DNAH11: variants seen among roughly 807,000 people sequenced by gnomAD.
DNAH11 encodes dynein axonemal heavy chain 11, also known as axonemal beta dynein heavy chain 11.
DNAH11 carries 442 observed loss-of-function variants against 526.0 expected under a neutral mutation model. The ratio of observed to expected loss-of-function variants is 0.84; its 90% CI spans 0.78 to 0.91. The LOEUF (loss-of-function observed/expected upper bound fraction) is 0.91, where lower values mean the gene tolerates loss of function less well. Among genes scored for constraint, DNAH11 ranks in the 40% least tolerant of loss-of-function variants. DNAH11 has a pLI of 0.00. For synonymous variants in DNAH11, 2,461 were observed against 1,935.9 expected (o/e 1.27, Z -7.12); for missense variants, 6,989 against 5,448.7 (o/e 1.28, Z -8.90).
intron 25 of DNAH11, among the ~76,000 whole-genome samples, chr7:21,634,865 T>G (rs1786781466): frequency 6.6e-6 from 1 of 152,182 alleles, no homozygotes. Flanking sequence ...TTAAAACATT[T>G]AAGTTGGGCA....
At chr7:21,581,436 T>A (rs973192868) in intron 8 of DNAH11, among the ~76,000 whole-genome samples, 11 of 152,216 alleles carry the variant, frequency 7.2e-5, no homozygotes, top group Admixed American at 2.0e-4. Flanking sequence ...CCTGAAGAAA[T>A]AGTGTTTCCG....
At chr7:21,778,077 C>A (rs1787755895) in intron 56 of DNAH11, among the ~76,000 whole-genome samples, 1 of 152,154 alleles carries the variant, frequency 6.6e-6, no homozygotes. Flanking sequence ...TTTCTGAGAA[C>A]TGAGTCATGT....
chr7:21,603,838 G>C (rs745601763), intron 18 of DNAH11, among the ~76,000 whole-genome samples: 13 of 152,180 alleles, frequency 8.5e-5, no homozygotes, highest in African/African-American at 2.9e-4. Flanking sequence ...ATAAGTAATT[G>C]ATGAGGGAAA....
At chr7:21,637,576 T>C in intron 26 of DNAH11, 35 bp from the exon 27 acceptor site, 1 of 1,295,252 alleles carries the variant, frequency 7.7e-7, no homozygotes, top group Non-Finnish European at 1.1e-6. Context: ...AAGATTGTTC[T>C]AATATCCACG....
At position 21,874,577 on chromosome 7, in the gene DNAH11, C is replaced by T. The variant is rs916870728; in HGVS notation, c.12195+1076C>T. ...TCTCGAACTCCTGACCTCAGGTGAT[C>T]TGTTCACCTTGGCCTCCCAATTCCA... On this transcript the variant is annotated intron_variant, in intron 74 of 81. Coordinates refer to ENST00000409508, the MANE Select transcript of DNAH11 (RefSeq NM_001277115.2). Among the ~76,000 whole-genome samples, 13 of 152,212 alleles carry T rather than the reference C, an allele frequency of 8.5e-5. No homozygotes were observed. The South Asian group carries it at 2.7e-3, about 32-fold the overall frequency.
chr7:21,629,214 C>A (rs2128457387), intron 25 of DNAH11, among the ~76,000 whole-genome samples: 1 of 152,158 alleles, frequency 6.6e-6, no homozygotes, highest in East Asian at 1.9e-4. Context: ...TGTGACATTT[C>A]TAAGGTTCCT....
chr7:21,802,756 G>C (rs35922142), intron 62 of DNAH11, among the ~76,000 whole-genome samples: 57,292 of 151,400 alleles, frequency 0.38, 11,572 homozygotes, highest in East Asian at 0.81. Flanking sequence ...TACACAGGCA[G>C]AATGTGCCTG....
At chr7:21,560,916 A>C (rs575692155) in intron 4 of DNAH11, among the ~76,000 whole-genome samples, 155 bp from the exon 5 acceptor site, 2 of 152,254 alleles carry the variant, frequency 1.3e-5, no homozygotes, top group South Asian at 4.1e-4. Context: ...TGTATTTTTA[A>C]AATTATTTTC....
intron 25 of DNAH11, 136 bp downstream of exon 25, chr7:21,620,214 C>G: frequency 6.5e-6 from 5 of 771,776 alleles, no homozygotes; most frequent in Non-Finnish European, 9.6e-6. Context: ...ACCGTCATCT[C>G]ATACACTTAA....
intron 40 of DNAH11, among the ~76,000 whole-genome samples, chr7:21,708,904 C>T (rs1784365814): frequency 6.6e-6 from 1 of 152,134 alleles, no homozygotes; most frequent in Non-Finnish European, 1.5e-5. Context: ...AATCTCATAC[C>T]AGTCAGAAAG....
rs759202030 is a variant in DNAH11 at position 21,707,677 on chromosome 7, G to A, written c.6547-22G>A. Reference sequence around the variant, plus strand: ...GCTTATGTTAGTATTAATTTTTTTGGCTCTTTCCTCCTTCCCCTCAGATTT... The same window carrying A: ...GCTTATGTTAGTATTAATTTTTTTGACTCTTTCCTCCTTCCCCTCAGATTT... On this transcript the variant is annotated intron_variant, in intron 39 of 81. Transcript: ENST00000409508. 3 of 1,592,422 alleles carry A rather than the reference G, an allele frequency of 1.9e-6. 1 individual carries two copies. The highest frequency in any genetic ancestry group is 2.3e-5 in the South Asian group (2 of 86,120).
intron 75 of DNAH11, 32 bp downstream of exon 75, chr7:21,880,925 A>G (rs1253660251): frequency 3.9e-6 from 6 of 1,549,412 alleles, no homozygotes; most frequent in South Asian, 1.2e-5. Flanking sequence ...ACCTCTTCCA[A>G]GGAGTTTACA....
intron 65 of DNAH11, among the ~76,000 whole-genome samples, chr7:21,822,558 C>G (rs930139523): frequency 6.6e-6 from 1 of 152,124 alleles, no homozygotes; most frequent in Non-Finnish European, 1.5e-5. Context: ...GGTTTCTTAT[C>G]TAGGTTATTG....
At chr7:21,676,333 T>C (rs1158258262) in intron 30 of DNAH11, among the ~76,000 whole-genome samples, 1 of 152,192 alleles carries the variant, frequency 6.6e-6, no homozygotes, top group Non-Finnish European at 1.5e-5. Flanking sequence ...TATGTACTGA[T>C]TACATGATAG....
At chr7:21,720,955 A>G in intron 44 of DNAH11, 99 bp downstream of exon 44, 7 of 1,425,028 alleles carry the variant, frequency 4.9e-6, no homozygotes, top group Non-Finnish European at 6.6e-6. Flanking sequence ...TTGTTATGTT[A>G]TAGATCTATA....
At chr7:21,627,165 G>A (rs895982553) in intron 25 of DNAH11, among the ~76,000 whole-genome samples, 66 of 152,054 alleles carry the variant, frequency 4.3e-4, no homozygotes, top group Non-Finnish European at 6.9e-4. Context: ...ATGTATTCTG[G>A]TTATTAATCC....
At chr7:21,789,462 TC>T in intron 61 of DNAH11, 120 bp downstream of exon 61, 1 of 623,130 alleles carries the variant, frequency 1.6e-6, no homozygotes, top group South Asian at 2.2e-5. Context: ...AATTCGATCT[TC>T]CATGAGTGTA....
intron 43 of DNAH11, among the ~76,000 whole-genome samples, chr7:21,719,325 T>C (rs1343649805): frequency 1.3e-5 from 2 of 152,240 alleles, no homozygotes; most frequent in African/African-American, 2.4e-5. Flanking sequence ...TTCCGATATA[T>C]GACGCCTCTT....
At chr7:21,761,297 C>T (rs1357847819) in intron 54 of DNAH11, among the ~76,000 whole-genome samples, 1 of 152,190 alleles carries the variant, frequency 6.6e-6, no homozygotes, top group Admixed American at 6.5e-5. Context: ...TGACACTCCC[C>T]TTTCCCTTCA....
Sources: allele counts gnomAD v4.1 joint callset (sites outside exome capture counted in the v4.1 genomes callset), GRCh38; gene constraint gnomAD v4.1.1; transcripts MANE v1.5; gene names NCBI Gene and HGNC (gene_info 2026-07-23, HGNC 2026-07-21).